The following UBE2G2 variants were observed in gnomAD, a reference collection of about 807,000 sequenced individuals.
UBE2G2 encodes the protein ubiquitin-conjugating enzyme E2 G2.
UBE2G2 carries 10 observed loss-of-function variants against 23.0 expected under a neutral mutation model. The observed-to-expected ratio is 0.43, with a 90% CI of 0.27 to 0.74. UBE2G2 has a LOEUF of 0.74. Ranked by LOEUF, UBE2G2 falls within the 30% of genes least tolerant of loss-of-function variation. The probability of loss-of-function intolerance (pLI) is 0.19; values close to 1 mark genes in which losing one functional copy is unlikely to be tolerated. For synonymous variants in UBE2G2, 86 were observed against 81.3 expected (o/e 1.06, Z -0.31); for missense variants, 150 against 218.3 (o/e 0.69, Z 1.97).
At position 44,771,285 on chromosome 21, in the gene UBE2G2, G is replaced by T; in HGVS notation, c.*92C>A. The T allele has an allele frequency of 1.7e-6, 2 of 1,177,198 alleles. No homozygotes were observed. Among genetic ancestry groups the T allele is most frequent in the Non-Finnish European group, 2.4e-6 (2 of 823,546 alleles). The allele number at this position is 1,177,198 out of a possible 1,614,324, so 72.9% of individuals were successfully genotyped here. On this transcript the variant is annotated 3_prime_UTR_variant, in exon 6 of 6. Coordinates refer to ENST00000345496, the MANE Select transcript of UBE2G2 (RefSeq NM_003343.6). This position sits in a 1 kb window ranked among gnomAD's most constrained non-coding sequence, Gnocchi z 4.6. ...TGGTTCTTGCAAGTCTGCCTTGTTT[G>T]GTACCAGCACAGAGCATCACTGTCA...
intron 3 of UBE2G2, chr21:44,779,075 T>C (rs1021401877): frequency 5.4e-6 from 1 of 183,818 alleles, no homozygotes; most frequent in Non-Finnish European, 1.2e-5. Flanking sequence ...CTTGGAAATA[T>C]TTATCTCTAT....
chr21:44,784,290 A>G (rs1555961691), intron 3 of UBE2G2, among the ~76,000 whole-genome samples: 2 of 152,178 alleles, frequency 1.3e-5, no homozygotes, highest in African/African-American at 4.8e-5. Flanking sequence ...CGCCTTTTCC[A>G]TTTATATTGT....
At position 44,771,241 on chromosome 21, in the gene UBE2G2, A is replaced by G. The variant is rs78449722; in HGVS notation, c.*136T>C. The G allele has an allele frequency of 3.2e-6, 1 of 312,720 alleles. No homozygotes were observed. The highest frequency in any genetic ancestry group is 5.5e-6 in the Non-Finnish European group (1 of 182,390). 19.4% of individuals were successfully genotyped at this position (312,720 alleles called of 1,614,324 possible). ...GCCTGTTTGAAGTAGGAAAGGTTTG[A>G]AAAAAAAAAAAGATGCCATGGTTCT... is the stretch of plus-strand genomic sequence containing the variant. On this transcript the variant is annotated 3_prime_UTR_variant, in exon 6 of 6. Transcript: ENST00000345496. The surrounding 1 kb of genome is among the most constrained non-coding windows in gnomAD (Gnocchi z 4.6).
At chr21:44,781,106 T>G (rs782568921) in intron 3 of UBE2G2, among the ~76,000 whole-genome samples, 2 of 152,238 alleles carry the variant, frequency 1.3e-5, no homozygotes, top group African/African-American at 4.8e-5. Flanking sequence ...CCAACGCACA[T>G]GTGATAAAGA....
chr21:44,788,130 G>C (rs782218742), intron 1 of UBE2G2, 35 bp from the exon 2 acceptor site: 2 of 1,555,604 alleles, frequency 1.3e-6, no homozygotes, highest in Non-Finnish European at 1.7e-6. Context: ...TTACCAAACA[G>C]AATAAATGTT....
At chr21:44,784,174 G>A (rs1182224363) in intron 3 of UBE2G2, among the ~76,000 whole-genome samples, 1 of 151,932 alleles carries the variant, frequency 6.6e-6, no homozygotes, top group Non-Finnish European at 1.5e-5. Flanking sequence ...AGGGAGGGGA[G>A]GGGAGGGGAG....
chr21:44,801,685 G>A (rs1555964851), intron 1 of UBE2G2, 21 bp downstream of exon 1: 6 of 1,509,452 alleles, frequency 4.0e-6, no homozygotes, highest in South Asian at 3.8e-5. Context: ...CGCTGCTGAC[G>A]GCCCGGGTCC....
chr21:44,778,166 G>A (rs1220982108), intron 3 of UBE2G2, among the ~76,000 whole-genome samples: 2 of 152,228 alleles, frequency 1.3e-5, no homozygotes, highest in South Asian at 2.1e-4. Context: ...ACAGATGTGG[G>A]GCTAAGAGTT....
intron 1 of UBE2G2, among the ~76,000 whole-genome samples, chr21:44,794,722 GA>G (rs1396618708): frequency 6.6e-6 from 1 of 151,998 alleles, no homozygotes; most frequent in Non-Finnish European, 1.5e-5. Context: ...TTTTAGTAGA[GA>G]GGGGGTTTCA....
At position 44,796,551 on chromosome 21, in the gene UBE2G2, C is replaced by A. The variant is rs193023013; in HGVS notation, c.43+5155G>T. ...ACCAGTAAATGATACACAAAAAAAACCCACTAAATTTTATCACATTATTAA... is the reference window on the plus strand; with the variant it reads ...ACCAGTAAATGATACACAAAAAAAAACCACTAAATTTTATCACATTATTAA... On this transcript the variant is annotated intron_variant, in intron 1 of 5. Coordinates refer to ENST00000345496, the MANE Select transcript of UBE2G2 (RefSeq NM_003343.6). 5.2e-3 allele frequency among the ~76,000 whole-genome samples: 786 copies of A among 152,032 alleles called. 8 individuals carry two copies. The highest frequency in any genetic ancestry group is 0.018 in the African/African-American group (746 of 41,454).
intron 1 of UBE2G2, among the ~76,000 whole-genome samples, chr21:44,796,621 C>CAAAACA (rs2083091691): frequency 1.3e-5 from 2 of 152,230 alleles, no homozygotes; most frequent in Admixed American, 1.3e-4. Context: ...CTGTATTCAT[C>CAAAACA]TTCTGTCACT....
intron 1 of UBE2G2, among the ~76,000 whole-genome samples, chr21:44,795,615 G>A (rs1011884130): frequency 1.1e-4 from 16 of 151,272 alleles, no homozygotes; most frequent in Non-Finnish European, 2.1e-4. Flanking sequence ...CCGAGTGACA[G>A]AGTGAGAACC....
At chr21:44,797,920 T>C (rs971140845) in intron 1 of UBE2G2, among the ~76,000 whole-genome samples, 11 of 151,990 alleles carry the variant, frequency 7.2e-5, no homozygotes, top group Non-Finnish European at 1.3e-4. Context: ...CAACCCTCTG[T>C]TCGAGTATGA....
At chr21:44,792,335 C>G (rs1344934327) in intron 1 of UBE2G2, among the ~76,000 whole-genome samples, 1 of 152,102 alleles carries the variant, frequency 6.6e-6, no homozygotes, top group East Asian at 1.9e-4. Context: ...GGCTTTGTGT[C>G]CCTACCCGAA....
At position 44,771,184 on chromosome 21, in the gene UBE2G2, A is replaced by G; in HGVS notation, c.*193T>C. On this transcript the variant is annotated 3_prime_UTR_variant, in exon 6 of 6. Transcript: ENST00000345496. The surrounding 1 kb of genome is among the most constrained non-coding windows in gnomAD (Gnocchi z 4.6). ...TGTAAAACTGCAGTAAGCTGTCAAT[A>G]TTCGACATTAAGTCATCATTTCAGA... 1 of 582,924 alleles carries G rather than the reference A, an allele frequency of 1.7e-6. No homozygotes were observed. The highest frequency in any genetic ancestry group is 3.0e-6 in the Non-Finnish European group (1 of 330,966). The allele number at this position is 582,924 out of a possible 1,614,324, so 36.1% of individuals were successfully genotyped here.
intron 1 of UBE2G2, chr21:44,801,253 T>A (rs1236221081): frequency 5.1e-6 from 5 of 970,958 alleles, no homozygotes; most frequent in African/African-American, 1.8e-5. Context: ...AAAACCCTTT[T>A]CCTTCATTAG....
intron 5 of UBE2G2, 125 bp downstream of exon 5, chr21:44,773,422 A>C: frequency 1.6e-6 from 2 of 1,239,520 alleles, no homozygotes; most frequent in South Asian, 1.6e-5. Flanking sequence ...ATTAAATGGC[A>C]ATAGCATGTG....
chr21:44,796,728 A>G (rs1397072223), intron 1 of UBE2G2, among the ~76,000 whole-genome samples: 2 of 152,238 alleles, frequency 1.3e-5, no homozygotes, highest in Non-Finnish European at 2.9e-5. Context: ...AGCATGGGCC[A>G]GCTAGTTCTC....
intron 3 of UBE2G2, among the ~76,000 whole-genome samples, chr21:44,778,392 C>CACAGG (rs2082929870): frequency 6.6e-6 from 1 of 152,248 alleles, no homozygotes; most frequent in Non-Finnish European, 1.5e-5. Context: ...TGGGCACAGA[C>CACAGG]ACAGGCACTG....
Sources: gnomAD v4.1 joint callset for allele counts (sites outside exome capture counted in the v4.1 genomes callset) on GRCh38, gnomAD v4.1.1 for gene constraint, Gnocchi (gnomAD v3.1) non-coding constraint, MANE v1.5 for transcripts, NCBI Gene and HGNC (gene_info 2026-07-23, HGNC 2026-07-21) for gene names.